Variants in HS6ST3 observed in about 807,000 individuals in gnomAD.
HS6ST3 encodes heparan-sulfate 6-O-sulfotransferase 3.
Under a neutral mutation model 36.7 loss-of-function variants are expected in HS6ST3, and 12 were observed. The observed-to-expected ratio is 0.33, with a 90% confidence interval of 0.21 to 0.53. HS6ST3 has a LOEUF of 0.53. Ranked by LOEUF, HS6ST3 falls within the 20% of genes least tolerant of loss-of-function variation. HS6ST3 has a pLI of 0.95. For missense variants in HS6ST3, 584 were observed against 640.9 expected, an observed-to-expected ratio of 0.91 and a Z score of 0.96; for synonymous variants, 240 against 257.5, an observed-to-expected ratio of 0.93 and a Z score of 0.65.
intron 1 of HS6ST3, among the ~76,000 whole-genome samples, chr13:96,533,033 A>G (rs74107906): frequency 0.018 from 2,688 of 152,236 alleles, 80 homozygotes; most frequent in African/African-American, 0.06. Context: ...AGGAGGTTAA[A>G]AGCTCTAACA....
intron 1 of HS6ST3, among the ~76,000 whole-genome samples, chr13:96,703,270 CATT>C (rs1467116855): frequency 6.6e-6 from 1 of 152,184 alleles, no homozygotes; most frequent in African/African-American, 2.4e-5. Context: ...CATTGCCCAT[CATT>C]GATGCTTTTA....
intron 1 of HS6ST3, among the ~76,000 whole-genome samples, chr13:96,120,240 G>A (rs2053919014): frequency 6.6e-6 from 1 of 152,176 alleles, no homozygotes; most frequent in Admixed American, 6.5e-5. Context: ...CAGAGGGGCT[G>A]GGGCCCTGGT....
At chr13:96,236,296 A>G (rs1002979266) in intron 1 of HS6ST3, among the ~76,000 whole-genome samples, 1 of 152,178 alleles carries the variant, frequency 6.6e-6, no homozygotes, top group African/African-American at 2.4e-5. Context: ...AGACGCACCC[A>G]GAAACAATAT....
At chr13:96,476,337 G>A (rs2055863822) in intron 1 of HS6ST3, among the ~76,000 whole-genome samples, 1 of 151,988 alleles carries the variant, frequency 6.6e-6, no homozygotes, top group Non-Finnish European at 1.5e-5. Flanking sequence ...AGACTTGAAT[G>A]ATTCCTTGAG....
intron 1 of HS6ST3, among the ~76,000 whole-genome samples, chr13:96,167,101 T>C (rs943099622): frequency 2.0e-5 from 3 of 152,126 alleles, no homozygotes; most frequent in African/African-American, 7.2e-5. Flanking sequence ...TTATTAGCAG[T>C]GTGAGAACAG....
At chr13:96,655,742 A>T (rs1384579557) in intron 1 of HS6ST3, among the ~76,000 whole-genome samples, 2 of 152,110 alleles carry the variant, frequency 1.3e-5, no homozygotes, top group Non-Finnish European at 2.9e-5. Context: ...CATACTAACC[A>T]GATACATATT....
intron 1 of HS6ST3, among the ~76,000 whole-genome samples, chr13:96,700,005 C>G (rs1349569938): frequency 2.0e-5 from 3 of 152,130 alleles, no homozygotes; most frequent in Non-Finnish European, 4.4e-5. Context: ...TATTAGCCTT[C>G]TTGGTGACAA....
Position 96,560,458 on chromosome 13 carries a change from T to TG in HS6ST3, c.708-272030dup, listed in dbSNP as rs561962483. Among the ~76,000 whole-genome samples the TG allele has an allele frequency of 6.6e-3, 998 of 152,240 alleles. 17 individuals carry two copies. The highest frequency in any genetic ancestry group is 0.023 in the African/African-American group (956 of 41,546). Reference sequence around the variant, plus strand: ...AACTGGAAGCATTCCCCTTGAGAACTGGAACATTACAAGGATGCCCACTCT... The same window carrying TG: ...AACTGGAAGCATTCCCCTTGAGAACTGGGAACATTACAAGGATGCCCACTCT... On this transcript the variant is annotated intron_variant, in intron 1 of 1. Coordinates refer to ENST00000376705, the MANE Select transcript of HS6ST3 (RefSeq NM_153456.4).
chr13:96,521,311 C>CT (rs1290669366), intron 1 of HS6ST3, among the ~76,000 whole-genome samples: 2 of 152,056 alleles, frequency 1.3e-5, no homozygotes, highest in Non-Finnish European at 1.5e-5. Flanking sequence ...CTAAAATTCT[C>CT]TTTTTTTGTG....
chr13:96,138,615 C>G lies in HS6ST3; in HGVS notation c.707+47046C>G, dbSNP rs544020273. 1.1e-4 allele frequency among the ~76,000 whole-genome samples: 16 copies of G among 152,078 alleles called. No individual in the cohort carries two copies. The South Asian group carries it at 2.9e-3, about 28-fold the overall frequency. Reference sequence around the variant, plus strand: ...TGCGTCACTTTAAAATTTTTCTCTCCTGTCCTAGCTTTCACCCAGTCCCAT... The same window carrying G: ...TGCGTCACTTTAAAATTTTTCTCTCGTGTCCTAGCTTTCACCCAGTCCCAT... On this transcript the variant is annotated intron_variant, in intron 1 of 1. Coordinates refer to ENST00000376705, the MANE Select transcript of HS6ST3 (RefSeq NM_153456.4).
chr13:96,791,694 C>T (rs1005753353), intron 1 of HS6ST3, among the ~76,000 whole-genome samples: 1 of 152,026 alleles, frequency 6.6e-6, no homozygotes, highest in South Asian at 2.1e-4. Context: ...CACTGTTCAC[C>T]TCTTCCTTTG....
chr13:96,816,589 G>C lies in HS6ST3; in HGVS notation c.708-15901G>C, dbSNP rs2138538915. On this transcript the variant is annotated intron_variant, in intron 1 of 1. Coordinates refer to ENST00000376705, the MANE Select transcript of HS6ST3 (RefSeq NM_153456.4). ...TGATGCGTGAAGACCCTGATTATGAGGGACAATCGTGCTGCCCTGTTCTCC... is the reference window on the plus strand; with the variant it reads ...TGATGCGTGAAGACCCTGATTATGACGGACAATCGTGCTGCCCTGTTCTCC... Among the ~76,000 whole-genome samples, 3 of 152,262 alleles carry C rather than the reference G, an allele frequency of 2.0e-5. No individual in the cohort carries two copies. The East Asian group carries it at 5.8e-4, about 29-fold the overall frequency.
intron 1 of HS6ST3, among the ~76,000 whole-genome samples, chr13:96,166,592 T>TTTTA (rs2054161622): frequency 6.7e-6 from 1 of 148,914 alleles, no homozygotes; most frequent in Non-Finnish European, 1.5e-5. Flanking sequence ...TTTTTTTTTT[T>TTTTA]GTAGAGACAG....
intron 1 of HS6ST3, among the ~76,000 whole-genome samples, chr13:96,367,288 G>A (rs1405196447): frequency 1.3e-5 from 2 of 152,056 alleles, no homozygotes; most frequent in Admixed American, 6.6e-5. Context: ...ATATTTCTAG[G>A]CAATGGTGAC....
chr13:96,597,960 T>C (rs948976234), intron 1 of HS6ST3, among the ~76,000 whole-genome samples: 1 of 152,136 alleles, frequency 6.6e-6, no homozygotes, highest in Non-Finnish European at 1.5e-5. Flanking sequence ...TTTTGTCTGC[T>C]TTGTCAAAGA....
At chr13:96,737,223 A>G (rs1383643561) in intron 1 of HS6ST3, among the ~76,000 whole-genome samples, 1 of 152,198 alleles carries the variant, frequency 6.6e-6, no homozygotes, top group Non-Finnish European at 1.5e-5. Flanking sequence ...ATAAGAGACT[A>G]TTTTGCTCAG....
chr13:96,825,601 T>G (rs1343940016), intron 1 of HS6ST3, among the ~76,000 whole-genome samples: 1 of 152,154 alleles, frequency 6.6e-6, no homozygotes, highest in Non-Finnish European at 1.5e-5. Context: ...CTACTTTAGG[T>G]AGAGATCTTT....
At chr13:96,204,426 C>T (rs1410168644) in intron 1 of HS6ST3, among the ~76,000 whole-genome samples, 1 of 152,096 alleles carries the variant, frequency 6.6e-6, no homozygotes, top group Non-Finnish European at 1.5e-5. Context: ...GCCCCACTGA[C>T]AATATTAGAC....
intron 1 of HS6ST3, among the ~76,000 whole-genome samples, chr13:96,362,473 C>T (rs568486248): frequency 2.6e-5 from 4 of 152,160 alleles, no homozygotes; most frequent in East Asian, 1.9e-4. Flanking sequence ...ATTTAAAGTC[C>T]GAGGTAGATA....
Sources: gnomAD v4.1 joint callset for allele counts (sites outside exome capture counted in the v4.1 genomes callset) on GRCh38, gnomAD v4.1.1 for gene constraint, MANE v1.5 for transcripts, NCBI Gene and HGNC (gene_info 2026-07-23, HGNC 2026-07-21) for gene names.